The following RARB variants were observed in gnomAD, a reference collection of about 807,000 sequenced individuals.
RARB encodes retinoic acid receptor beta, also known as HBV-activated protein.
RARB carries 17 observed loss-of-function variants against 51.9 expected under a neutral mutation model. That is an observed-to-expected ratio of 0.33 (90% CI 0.22 to 0.49). The LOEUF is 0.49. Among genes scored for constraint, RARB ranks in the 20% least tolerant of loss-of-function variants. RARB has a pLI of 0.99. For synonymous variants in RARB, 215 were observed against 195.4 expected, an observed-to-expected ratio of 1.10 and a Z score of -0.84; for missense variants, 369 against 550.8, an observed-to-expected ratio of 0.67 and a Z score of 3.30.
intron 2 of RARB, among the ~76,000 whole-genome samples, chr3:24,894,261 T>G (rs550916207): frequency 6.6e-6 from 1 of 151,508 alleles, no homozygotes; most frequent in Admixed American, 6.6e-5. Flanking sequence ...CAGCACACTG[T>G]GCCGCCCCCG....
chr3:25,283,377 A>G (rs1343691023), intron 5 of RARB, among the ~76,000 whole-genome samples: 2 of 152,166 alleles, frequency 1.3e-5, no homozygotes, highest in Non-Finnish European at 2.9e-5. Context: ...GCTTTCTTTC[A>G]TACCCAGTCC....
intron 2 of RARB, among the ~76,000 whole-genome samples, chr3:24,921,624 A>T (rs1176398402): frequency 6.6e-6 from 1 of 151,962 alleles, no homozygotes; most frequent in Non-Finnish European, 1.5e-5. Context: ...ATCAGCGAGG[A>T]GGTCCCCCCC....
At chr3:25,543,903 A>G (rs375615500) in intron 3 of RARB, among the ~76,000 whole-genome samples, 215 of 152,354 alleles carry the variant, frequency 1.4e-3, no homozygotes, top group African/African-American at 4.7e-3. Context: ...CCATGTATTG[A>G]AAAATCCTTT....
chr3:25,353,831 T>C (rs1705649139), intron 5 of RARB, among the ~76,000 whole-genome samples: 1 of 152,140 alleles, frequency 6.6e-6, no homozygotes. Context: ...CAAGTGGTTC[T>C]ATACTATCAT....
chr3:25,571,020 G>C (rs1161448523), intron 4 of RARB, among the ~76,000 whole-genome samples: 1 of 152,096 alleles, frequency 6.6e-6, no homozygotes, highest in East Asian at 1.9e-4. Flanking sequence ...CTAGGATGTT[G>C]GTGGTATCTG....
chr3:25,322,541 A>G (rs944784414), intron 5 of RARB, among the ~76,000 whole-genome samples: 3 of 152,192 alleles, frequency 2.0e-5, no homozygotes, highest in Non-Finnish European at 4.4e-5. Context: ...ATTTCTCCAA[A>G]TAGATCCCTA....
intron 2 of RARB, among the ~76,000 whole-genome samples, chr3:25,021,745 T>C (rs1697643619): frequency 1.3e-5 from 2 of 152,216 alleles, no homozygotes; most frequent in African/African-American, 4.8e-5. Flanking sequence ...AATGTCCAAA[T>C]GTTGTACTGA....
At chr3:24,937,110 AT>A (rs528482784) in intron 2 of RARB, among the ~76,000 whole-genome samples, 3 of 152,142 alleles carry the variant, frequency 2.0e-5, no homozygotes, top group South Asian at 4.1e-4. Context: ...TCAAAAAGTG[AT>A]TGTCTCATAT....
intron 3 of RARB, among the ~76,000 whole-genome samples, chr3:25,525,604 T>A (rs749237340): frequency 6.6e-6 from 1 of 152,198 alleles, no homozygotes; most frequent in Non-Finnish European, 1.5e-5. Context: ...AAAGTCAGCA[T>A]AGACTAAAGG....
chr3:25,530,343 A>AC (rs1698847546), intron 3 of RARB, among the ~76,000 whole-genome samples: 1 of 152,226 alleles, frequency 6.6e-6, no homozygotes, highest in South Asian at 2.1e-4. Flanking sequence ...ATATCCTATT[A>AC]CTGTGGTAAC....
chr3:25,061,876 C>T, intron 3 of RARB, among the ~76,000 whole-genome samples: 1 of 151,512 alleles, frequency 6.6e-6, no homozygotes, highest in East Asian at 1.9e-4. Flanking sequence ...AGCATATACT[C>T]TAATAAAGTT....
At chr3:25,001,475 T>A (rs1183408364) in intron 2 of RARB, among the ~76,000 whole-genome samples, 1 of 152,082 alleles carries the variant, frequency 6.6e-6, no homozygotes, top group African/African-American at 2.4e-5. Context: ...CTTCTCTCCC[T>A]CAGACAGAAA....
At chr3:25,396,053 C>G (rs771089555) in intron 5 of RARB, among the ~76,000 whole-genome samples, 3 of 152,192 alleles carry the variant, frequency 2.0e-5, no homozygotes, top group Non-Finnish European at 4.4e-5. Context: ...ACAGGGTGAT[C>G]CCTTGATGGG....
chr3:25,106,104 C>T (rs573755522), intron 3 of RARB, among the ~76,000 whole-genome samples: 1 of 152,292 alleles, frequency 6.6e-6, no homozygotes, highest in South Asian at 2.1e-4. Context: ...TAATTCACAT[C>T]AGCTGAAGAG....
At chr3:25,541,241 A>G (rs548287387) in intron 3 of RARB, among the ~76,000 whole-genome samples, 37 of 152,206 alleles carry the variant, frequency 2.4e-4, no homozygotes, top group African/African-American at 8.7e-4. Flanking sequence ...GTGGCCCTGA[A>G]TCCCTCCTCA....
At chr3:25,334,977 G>A (rs1235921806) in intron 5 of RARB, among the ~76,000 whole-genome samples, 1 of 152,186 alleles carries the variant, frequency 6.6e-6, no homozygotes, top group African/African-American at 2.4e-5. Flanking sequence ...TTGACTTTCT[G>A]TTGGGGTTAC....
intron 1 of RARB, among the ~76,000 whole-genome samples, chr3:25,436,420 A>T (rs1708438320): frequency 6.6e-6 from 1 of 152,222 alleles, no homozygotes; most frequent in African/African-American, 2.4e-5. Flanking sequence ...GTTTGTCTGG[A>T]GTACTTTATG....
At chr3:25,236,758 C>T (rs972895375) in intron 5 of RARB, among the ~76,000 whole-genome samples, 3 of 151,714 alleles carry the variant, frequency 2.0e-5, no homozygotes, top group Admixed American at 6.6e-5. Context: ...TGGTAGGGGT[C>T]ATAAGAAAAA....
intron 2 of RARB, among the ~76,000 whole-genome samples, chr3:25,040,596 G>A (rs950649680): frequency 7.2e-5 from 11 of 151,954 alleles, no homozygotes; most frequent in Non-Finnish European, 1.6e-4. Flanking sequence ...ATCCAGGCAT[G>A]GTGGTGCATG....
Sources: gnomAD v4.1 joint callset for allele counts (sites outside exome capture counted in the v4.1 genomes callset) on GRCh38, gnomAD v4.1.1 for gene constraint, MANE v1.5 for transcripts, NCBI Gene and HGNC (gene_info 2026-07-23, HGNC 2026-07-21) for gene names.